The following KANSL2 variants were observed in gnomAD, a reference collection of about 807,000 sequenced individuals.
KANSL2 encodes the protein NSL complex protein NSL2.
Under a neutral mutation model 55.6 loss-of-function variants are expected in KANSL2, and 34 were observed. That is an observed-to-expected ratio of 0.61 (90% CI 0.46 to 0.81). The LOEUF (loss-of-function observed/expected upper bound fraction) is 0.81, where lower values mean the gene tolerates loss of function less well. KANSL2 is among the 40% of genes least tolerant of loss of function. The pLI, the probability that KANSL2 is intolerant of heterozygous loss-of-function variation, is 0.00. For synonymous variants in KANSL2, 209 were observed against 214.3 expected (o/e 0.98, Z 0.22); for missense variants, 502 against 609.9 (o/e 0.82, Z 1.86).
Position 48,653,630 on chromosome 12 carries a change from T to C in KANSL2, c.*414A>G, listed in dbSNP as rs1939322955. 1 of 155,530 alleles carries C rather than the reference T, an allele frequency of 6.4e-6. No homozygotes were observed. Among genetic ancestry groups the C allele is most frequent in the Non-Finnish European group, 1.4e-5 (1 of 70,460 alleles). 9.6% of individuals were successfully genotyped at this position (155,530 alleles called of 1,614,324 possible). On this transcript the variant is annotated 3_prime_UTR_variant, in exon 10 of 10. Transcript: ENST00000420613. ...AGGGGTTAAAGACTGCCCAATTAAG[T>C]AGAGGTGAAGAAAAGCTAAACTGCA...
intron 9 of KANSL2, chr12:48,654,649 C>A: frequency 1.8e-5 from 9 of 504,234 alleles, no homozygotes; most frequent in South Asian, 1.7e-4. Flanking sequence ...TTGTCTCAAG[C>A]TTTTATTTAA....
At chr12:48,663,831 T>TA (rs935812124) in intron 7 of KANSL2, among the ~76,000 whole-genome samples, 2 of 152,030 alleles carry the variant, frequency 1.3e-5, no homozygotes, top group Non-Finnish European at 2.9e-5. Flanking sequence ...TTCAACTGTG[T>TA]AGGGGGTCAG....
intron 4 of KANSL2, 137 bp from the exon 5 acceptor site, chr12:48,672,099 TGTACCATTC>T: frequency 1.7e-6 from 1 of 589,144 alleles, no homozygotes; most frequent in Non-Finnish European, 2.7e-6. Flanking sequence ...TGCAAAACAT[TGTACCATTC>T]AAGTTGTTAT....
intron 8 of KANSL2, among the ~76,000 whole-genome samples, chr12:48,659,194 TGAAGCACAA>T (rs1357790455): frequency 1.3e-5 from 2 of 151,490 alleles, no homozygotes; most frequent in East Asian, 3.9e-4. Flanking sequence ...CCCAGGAGGG[TGAAGCACAA>T]GAATCACTTG....
chr12:48,659,122 TG>T (rs2137177879), intron 8 of KANSL2, among the ~76,000 whole-genome samples: 1 of 149,488 alleles, frequency 6.7e-6, no homozygotes, highest in African/African-American at 2.5e-5. Flanking sequence ...GGTGAAACCC[TG>T]TCTCTACAAA....
chr12:48,681,695 C>T, intron 1 of KANSL2, 54 bp from the exon 2 acceptor site: 1 of 1,610,074 alleles, frequency 6.2e-7, no homozygotes, highest in Non-Finnish European at 8.5e-7. Context: ...AAAATTCCTG[C>T]TCCACACAGA....
chr12:48,675,170 CA>C (rs904674487), intron 4 of KANSL2, among the ~76,000 whole-genome samples: 2 of 151,602 alleles, frequency 1.3e-5, no homozygotes, highest in Admixed American at 1.3e-4. Context: ...CCGAGGTGGG[CA>C]TACTGCCTGA....
intron 2 of KANSL2, 56 bp from the exon 3 acceptor site, chr12:48,679,889 T>C (rs1423098407): frequency 2.2e-6 from 3 of 1,343,450 alleles, no homozygotes; most frequent in Non-Finnish European, 1.0e-6. Context: ...CGTTCAATAA[T>C]GTTCACAGTC....
intron 8 of KANSL2, among the ~76,000 whole-genome samples, chr12:48,655,526 A>C (rs1165714645): frequency 2.0e-5 from 3 of 151,064 alleles, no homozygotes; most frequent in African/African-American, 7.3e-5. Context: ...CCGAGACTGC[A>C]CCTCTGCACT....
intron 4 of KANSL2, among the ~76,000 whole-genome samples, chr12:48,676,326 G>A (rs1187402379): frequency 1.3e-5 from 2 of 151,946 alleles, no homozygotes; most frequent in African/African-American, 2.4e-5. Flanking sequence ...GGCTGGTCTC[G>A]AACTCCTGGG....
chr12:48,672,336 A>G (rs1257892337), intron 4 of KANSL2, among the ~76,000 whole-genome samples: 1 of 148,682 alleles, frequency 6.7e-6, no homozygotes. Context: ...TGTTCAATTA[A>G]CATGTATCTT....
intron 7 of KANSL2, among the ~76,000 whole-genome samples, chr12:48,662,938 T>C (rs1330634461): frequency 6.6e-6 from 1 of 152,204 alleles, no homozygotes; most frequent in Non-Finnish European, 1.5e-5. Flanking sequence ...AACCACACCA[T>C]GCACAAATTA....
chr12:48,658,043 CAACA>C (rs1939421314), intron 8 of KANSL2, among the ~76,000 whole-genome samples: 1 of 151,954 alleles, frequency 6.6e-6, no homozygotes, highest in African/African-American at 2.4e-5. Context: ...CCAGCCTGGC[CAACA>C]TGGTGAAACC....
chr12:48,674,391 C>G (rs552949277), intron 4 of KANSL2, among the ~76,000 whole-genome samples: 41 of 152,104 alleles, frequency 2.7e-4, no homozygotes, highest in Non-Finnish European at 5.0e-4. Flanking sequence ...TTCAGGCATT[C>G]CACCCGACTC....
In KANSL2 at chr12:48,653,840, T is replaced by G. The variant is rs1939327229; in HGVS notation, c.*204A>C. ...ATCCCAGAAGCTTTGATAGGGATTATCTCTCTTTCTCTTCCTTGCCCTGAG... is the reference window on the plus strand; with the variant it reads ...ATCCCAGAAGCTTTGATAGGGATTAGCTCTCTTTCTCTTCCTTGCCCTGAG... On this transcript the variant is annotated 3_prime_UTR_variant, in exon 10 of 10. Transcript: ENST00000420613. The G allele has an allele frequency of 2.2e-6, 1 of 452,574 alleles. No homozygotes were observed. 28.0% of individuals were successfully genotyped at this position (452,574 alleles called of 1,614,324 possible). A position where few individuals can be genotyped will look rare whatever the true frequency, so the allele number is the denominator to read the frequency against.
intron 8 of KANSL2, 55 bp from the exon 9 acceptor site, chr12:48,655,115 G>A: frequency 6.5e-7 from 1 of 1,529,046 alleles, no homozygotes; most frequent in South Asian, 1.2e-5. Flanking sequence ...TAATAAAGTT[G>A]GCATGTTTTT....
chr12:48,663,284 T>A (rs1056827817), intron 7 of KANSL2, among the ~76,000 whole-genome samples: 1 of 152,212 alleles, frequency 6.6e-6, no homozygotes, highest in African/African-American at 2.4e-5. Context: ...CCAAAAAGCT[T>A]TTATCTATTT....
rs367630824 is a variant in KANSL2, at chr12:48,660,431, T to C, written c.1162A>G (p.Met388Val). ...SVPDDLEAGPMDLYLSAAELQ... is the reference protein window; with the variant it reads ...SVPDDLEAGPVDLYLSAAELQ... ...TCAGCAGCACTCAAGTACAGATCCATGGGGCCGGCTTCCAGATCGTCTGGC... is the reference window on the plus strand; with the variant it reads ...TCAGCAGCACTCAAGTACAGATCCACGGGGCCGGCTTCCAGATCGTCTGGC... The change falls in exon 8 of 10, where the codon ATG becomes GTG. Residue 388 changes from methionine to valine, a missense_variant. Transcript: ENST00000420613. The C allele has an allele frequency of 1.2e-6, 2 of 1,613,914 alleles. No individual in the cohort carries two copies. Among genetic ancestry groups the C allele is most frequent in the Admixed American group, 1.7e-5 (1 of 60,010 alleles).
At chr12:48,656,634 C>CA (rs746594277) in intron 8 of KANSL2, 4 of 402,234 alleles carry the variant, frequency 9.9e-6, no homozygotes, top group African/African-American at 8.7e-5. Flanking sequence ...AAAAAAATGA[C>CA]ATTACATTCT....
Sources: gnomAD v4.1 joint callset for allele counts (sites outside exome capture counted in the v4.1 genomes callset) on GRCh38, gnomAD v4.1.1 for gene constraint, MANE v1.5 for transcripts, NCBI Gene and HGNC (gene_info 2026-07-23, HGNC 2026-07-21) for gene names.